Variants in RFX5 observed in about 807,000 individuals in gnomAD.
The protein encoded by RFX5 is regulatory factor X5.
In RFX5, 30 loss-of-function variants were observed where a neutral mutation model predicts 41.2. The observed-to-expected ratio is 0.73, with a 90% CI of 0.54 to 0.99. The LOEUF is 0.99. RFX5 is among the 50% of genes least tolerant of loss of function. RFX5 has a pLI of 0.00. For synonymous variants in RFX5, 231 were observed against 291.8 expected (o/e 0.79, Z 2.12); for missense variants, 715 against 773.6 (o/e 0.92, Z 0.90).
At position 151,342,743 on chromosome 1, in the gene RFX5, T is replaced by A; in HGVS notation, c.1294A>T (p.Arg432Trp). The A allele has an allele frequency of 1.2e-6, 2 of 1,614,230 alleles. No individual in the cohort carries two copies. Among genetic ancestry groups the A allele is most frequent in the Non-Finnish European group, 1.7e-6 (2 of 1,180,032 alleles). The change falls in exon 11 of 11, where the codon AGG (arginine) becomes TGG (tryptophan). Residue 432 changes from arginine to tryptophan, a missense_variant. Coordinates refer to ENST00000452671, the MANE Select transcript of RFX5 (RefSeq NM_001025603.2). Reference sequence around the variant, plus strand: ...TCACTCACAGGTACTTCAGCTGTCCTCTTGACACCCTTGTCATGTGGTCCT... The same window carrying A: ...TCACTCACAGGTACTTCAGCTGTCCACTTGACACCCTTGTCATGTGGTCCT... ...DQGPHDKGVK[R>W]TAEVPVSEAS...
intron 4 of RFX5, 46 bp downstream of exon 4, chr1:151,345,882 C>G (rs1395264234): frequency 6.2e-7 from 1 of 1,613,390 alleles, no homozygotes; most frequent in Non-Finnish European, 8.5e-7. Context: ...ATCCTCCTCC[C>G]TCAGCATTTC....
At chr1:151,343,267 A>G (rs1212043213) in intron 10 of RFX5, 75 bp downstream of exon 10, 1 of 1,608,648 alleles carries the variant, frequency 6.2e-7, no homozygotes, top group Non-Finnish European at 8.5e-7. Context: ...GTGGAAAAGC[A>G]AGGGACCCAA....
Position 151,343,033 on chromosome 1 carries a change from C to T in RFX5, c.1004G>A (p.Arg335Gln), listed in dbSNP as rs759307276. 1.4e-5 allele frequency: 23 copies of T among 1,612,122 alleles called. No homozygotes were observed. Among genetic ancestry groups the T allele is most frequent in the African/African-American group, 2.7e-5 (2 of 74,866 alleles). Reference sequence around the variant, plus strand: ...TGGCGGAATTAGTGAGCGAGGGGCCCGGGGAAGGAGCAGAGGCAGCCGAGC... The same window carrying T: ...TGGCGGAATTAGTGAGCGAGGGGCCTGGGGAAGGAGCAGAGGCAGCCGAGC... ...LVARLPLLLP[R>Q]APRSLIPPIP... The change falls in exon 11 of 11, where the codon CGG becomes CAG. Residue 335 changes from arginine to glutamine, a missense_variant. Arg to Gln is a conservative substitution (Grantham distance 43). Transcript: ENST00000452671.
Position 151,343,192 on chromosome 1 carries a change from A to G in RFX5, c.859-14T>C. On this transcript the variant is annotated splice_polypyrimidine_tract_variant and intron_variant, in intron 10 of 10. Transcript: ENST00000452671. ...ATCCTTAGGAGGCTAAAAAGTAAAG[A>G]GAGGAACACAGTAAGGTGTGAAGAA... The G allele has an allele frequency of 6.2e-7, 1 of 1,611,034 alleles. No homozygotes were observed. Among genetic ancestry groups the G allele is most frequent in the Non-Finnish European group, 8.5e-7 (1 of 1,180,006 alleles).
intron 9 of RFX5, 26 bp from the exon 10 acceptor site, chr1:151,343,468 G>A: frequency 2.5e-6 from 4 of 1,604,316 alleles, no homozygotes. Flanking sequence ...AAAGGTAATA[G>A]AGTGAAGGTG....
In RFX5 at chr1:151,342,715, G is replaced by C. The variant is rs148572733; in HGVS notation, c.1322C>G (p.Ala441Gly). The change falls in exon 11 of 11, where the codon GCC (alanine) becomes GGC (glycine). Residue 441 changes from alanine to glycine, a missense_variant. Coordinates refer to ENST00000452671, the MANE Select transcript of RFX5 (RefSeq NM_001025603.2). ...TTTAGCTGGTGGAGCCTGCCCACTG[G>C]CCTCACTCACAGGTACTTCAGCTGT... ...KRTAEVPVSE[A>G]SGQAPPAKAA... is the part of the protein sequence containing the mutation. 2.2e-5 allele frequency: 36 copies of C among 1,614,056 alleles called. No homozygotes were observed. Among genetic ancestry groups the C allele is most frequent in the Admixed American group, 6.7e-5 (4 of 59,996 alleles).
chr1:151,342,626 T>C lies in RFX5; in HGVS notation c.1411A>G (p.Lys471Glu). The stretch of plus-strand genomic sequence containing the variant: ...CTTTCCCCACTTCCACCTGACTTTT[T>C]TCGAGGGCGCCCCCGTTTCCTTTTG... ...DAKRKRGRPR[K>E]KSGGSGERNS... The change falls in exon 11 of 11, where the codon AAA becomes GAA. Residue 471 changes from lysine (K) to glutamate (E), a missense_variant. Lys to Glu is a moderately conservative substitution (Grantham distance 56). Transcript: ENST00000452671. 1.2e-6 allele frequency: 2 copies of C among 1,614,164 alleles called. No individual in the cohort carries two copies. Among genetic ancestry groups the C allele is most frequent in the Non-Finnish European group, 1.7e-6 (2 of 1,180,040 alleles).
intron 10 of RFX5, 69 bp downstream of exon 10, chr1:151,343,273 C>T (rs1650667795): frequency 6.2e-7 from 1 of 1,607,640 alleles, no homozygotes. Flanking sequence ...AAGCAAGGGA[C>T]CCAATTGGAG....
Position 151,343,058 on chromosome 1 carries a change from C to T in RFX5, c.979G>A (p.Ala327Thr). The change falls in exon 11 of 11, where the codon GCT becomes ACT. Residue 327 changes from alanine to threonine, a missense_variant. Transcript: ENST00000452671. Reference protein sequence around the residue: ...ANNLQVNALVARLPLLLPRAP... With the variant: ...ANNLQVNALVTRLPLLLPRAP... ...CGGGGAAGGAGCAGAGGCAGCCGAG[C>T]CACTAGGGCATTAACCTGCAGGTTA... 6.2e-7 allele frequency: 1 copy of T among 1,613,600 alleles called. No individual in the cohort carries two copies. Among genetic ancestry groups the T allele is most frequent in the Non-Finnish European group, 8.5e-7 (1 of 1,179,996 alleles).
chr1:151,344,905 C>T, intron 5 of RFX5, 58 bp from the exon 6 acceptor site: 2 of 1,613,806 alleles, frequency 1.2e-6, no homozygotes, highest in South Asian at 2.2e-5. Context: ...CTGGTTCTTC[C>T]CAAACTACCA....
rs946913586 is a variant in RFX5 at position 151,341,696 on chromosome 1, G to A, written c.*490C>T. Reference sequence around the variant, plus strand: ...ATGCTGGCAGCCATTAAGTGGCCCAGACTTAAATGGTCCTACAGAAGATGC... The same window carrying A: ...ATGCTGGCAGCCATTAAGTGGCCCAAACTTAAATGGTCCTACAGAAGATGC... On this transcript the variant is annotated 3_prime_UTR_variant, in exon 11 of 11. Coordinates refer to ENST00000452671, the MANE Select transcript of RFX5 (RefSeq NM_001025603.2). 3.9e-6 allele frequency: 1 copy of A among 254,112 alleles called. No homozygotes were observed. Among genetic ancestry groups the A allele is most frequent in the African/African-American group, 2.3e-5 (1 of 43,726 alleles). The allele number at this position is 254,112 out of a possible 1,614,324, so 15.7% of individuals were successfully genotyped here. A position where few individuals can be genotyped will look rare whatever the true frequency, so the allele number is the denominator to read the frequency against.
chr1:151,345,897 CCT>C, intron 4 of RFX5, 29 bp downstream of exon 4: 1 of 1,614,054 alleles, frequency 6.2e-7, no homozygotes, highest in Non-Finnish European at 8.5e-7. Flanking sequence ...CATTTCCATC[CCT>C]CTCTTGCCCT....
At chr1:151,345,458 A>T in intron 4 of RFX5, 1 of 382,864 alleles carries the variant, frequency 2.6e-6, no homozygotes, top group South Asian at 2.2e-5. Context: ...AAATACAAAA[A>T]AAAATTAGCT....
intron 6 of RFX5, 85 bp downstream of exon 6, chr1:151,344,643 C>G: frequency 6.3e-7 from 1 of 1,583,572 alleles, no homozygotes; most frequent in Non-Finnish European, 8.6e-7. Context: ...AGAAGGCAGG[C>G]TTTATCAAGG....
At chr1:151,345,394 G>A (rs1650925224) in intron 4 of RFX5, 1 of 489,252 alleles carries the variant, frequency 2.0e-6, no homozygotes, top group Non-Finnish European at 3.8e-6. Context: ...CTGATCACAA[G>A]GTCAGGAGAT....
chr1:151,346,217 C>A lies in RFX5; in HGVS notation c.104G>T (p.Arg35Leu). 6.2e-7 allele frequency: 1 copy of A among 1,614,160 alleles called. No homozygotes were observed. The highest frequency in any genetic ancestry group is 8.5e-7 in the Non-Finnish European group (1 of 1,180,004). ...GATGAGTACTTACGAAATGGTACCT[C>A]GGAGCCTCTGAAGAAGGGTGGTAGG... ...GEPTTLLQRL[R>L]GTISKAVQNK... Residue 35 changes from arginine (R) to leucine (L), a missense_variant, in exon 3 of 11, where the codon CGA becomes CTA. Physicochemically the swap from Arg to Leu is moderately radical, Grantham distance 102. Transcript: ENST00000452671.
intron 5 of RFX5, 23 bp from the exon 6 acceptor site, chr1:151,344,870 C>T: frequency 1.9e-6 from 3 of 1,614,212 alleles, no homozygotes; most frequent in Non-Finnish European, 2.5e-6. Flanking sequence ...AAGGAACAAG[C>T]ATTACTAAGA....
intron 5 of RFX5, 45 bp downstream of exon 5, chr1:151,345,061 C>T (rs761418776): frequency 6.3e-7 from 1 of 1,583,214 alleles, no homozygotes; most frequent in South Asian, 1.1e-5. Flanking sequence ...GAACCTTTCT[C>T]TAAGAATCAG....
In RFX5 at chr1:151,345,186, T is replaced by C; in HGVS notation, c.153A>G (p.Gln51=). ...AVQNKVEGIL[Q]DVQKFSDNDK... is the part of the protein sequence containing the mutation. ...CATTGTCAGAAAATTTCTGTACATC[T>C]TGCTGAGGTAGGAGAGAACAGAGGC... Residue 51 remains glutamine (Q), a splice_region_variant and synonymous_variant, in exon 5 of 11, where the codon CAA becomes CAG. Coordinates refer to ENST00000452671, the MANE Select transcript of RFX5 (RefSeq NM_001025603.2). 6.2e-7 allele frequency: 1 copy of C among 1,613,430 alleles called. No homozygotes were observed. Among genetic ancestry groups the C allele is most frequent in the Non-Finnish European group, 8.5e-7 (1 of 1,179,490 alleles).
Sources: allele counts gnomAD v4.1 joint callset, GRCh38; gene constraint gnomAD v4.1.1; transcripts MANE v1.5; gene names NCBI Gene and HGNC (gene_info 2026-07-23, HGNC 2026-07-21).